Variants in BRSK2 observed in about 807,000 individuals in gnomAD.
The protein encoded by BRSK2 is serine/threonine-protein kinase BRSK2.
In BRSK2, 19 loss-of-function variants were observed where a neutral mutation model predicts 83.3. That is an observed-to-expected ratio of 0.23 (90% CI 0.16 to 0.33). BRSK2 has a LOEUF of 0.33. Ranked by LOEUF, BRSK2 falls within the 10% of genes least tolerant of loss-of-function variation. BRSK2 has a pLI of 1.00. For synonymous variants in BRSK2, 519 were observed against 435.4 expected (o/e 1.19, Z -2.39); for missense variants, 798 against 1,042.3 (o/e 0.77, Z 3.23).
chr11:1,445,654 C>T lies in BRSK2; in HGVS notation c.1061C>T (p.Pro354Leu), dbSNP rs746803578. 9 of 1,596,836 alleles carry T rather than the reference C, an allele frequency of 5.6e-6. No individual in the cohort carries two copies. Among genetic ancestry groups the T allele is most frequent in the Non-Finnish European group, 7.7e-6 (9 of 1,172,282 alleles). Residue 354 changes from proline to leucine, a missense_variant, in exon 11 of 20, where the codon CCC (proline) becomes CTC (leucine). Physicochemically the swap from Pro to Leu is moderately conservative, Grantham distance 98. Around this residue, in one of 6 missense-constraint regions of BRSK2, gnomAD observed 145 missense variants for 225.4 expected, o/e 0.64. Transcript: ENST00000528841. Reference sequence around the variant, plus strand: ...AGCCAGGAGGATGAGGACCTGCCCCCCCGGAACGAGATAGGTATGGGTCCA... The same window carrying T: ...AGCCAGGAGGATGAGGACCTGCCCCTCCGGAACGAGATAGGTATGGGTCCA... Reference protein sequence around the residue: ...YPSQEDEDLPPRNEIDPPRKR... With the variant: ...YPSQEDEDLPLRNEIDPPRKR...
intron 15 of BRSK2, 116 bp downstream of exon 15, chr11:1,451,535 C>T: frequency 9.2e-7 from 1 of 1,087,672 alleles, no homozygotes; most frequent in Admixed American, 1.8e-5. Flanking sequence ...GGCCCCACCT[C>T]CCACTGCAGG....
chr11:1,415,034 G>A (rs1162423879), intron 1 of BRSK2, among the ~76,000 whole-genome samples: 1 of 152,066 alleles, frequency 6.6e-6, no homozygotes, highest in Non-Finnish European at 1.5e-5. Flanking sequence ...GAGTACCCAC[G>A]TGGGTCCCTG....
intron 15 of BRSK2, among the ~76,000 whole-genome samples, chr11:1,453,084 C>G (rs148401967): frequency 6.6e-6 from 1 of 152,206 alleles, no homozygotes; most frequent in African/African-American, 2.4e-5. Flanking sequence ...CCAGGAAGAC[C>G]GAACCTGGCG....
At chr11:1,403,505 A>G (rs1846629607) in intron 1 of BRSK2, among the ~76,000 whole-genome samples, 1 of 152,148 alleles carries the variant, frequency 6.6e-6, no homozygotes, top group Non-Finnish European at 1.5e-5. Flanking sequence ...AGGCCACGAA[A>G]CCCGCAGGCT....
chr11:1,406,378 G>A (rs111286120), intron 1 of BRSK2, among the ~76,000 whole-genome samples: 22,924 of 152,202 alleles, frequency 0.15, 2,280 homozygotes, highest in Non-Finnish European at 0.2. Context: ...AGGCTGAGGC[G>A]GGAGAATGGC....
At chr11:1,415,015 C>T (rs968154593) in intron 1 of BRSK2, among the ~76,000 whole-genome samples, 4 of 151,824 alleles carry the variant, frequency 2.6e-5, no homozygotes, top group African/African-American at 9.7e-5. Flanking sequence ...GCGCTGTGGA[C>T]GTGTGTGTGA....
chr11:1,436,145 C>T lies in BRSK2; in HGVS notation c.186+11C>T, dbSNP rs753673051. The T allele has an allele frequency of 5.1e-5, 10 of 196,992 alleles. No individual in the cohort carries two copies. The highest frequency in any genetic ancestry group is 4.0e-3 in the Middle Eastern group (2 of 500). 12.2% of individuals were successfully genotyped at this position (196,992 alleles called of 1,614,324 possible). A position where few individuals can be genotyped will look rare whatever the true frequency, so the allele number is the denominator to read the frequency against. ...TCGGTGCTGATGAAGGTGGGTGGGG[C>T]CGGGGAGGGAGGCGGGGCCGGCGGT... On this transcript the variant is annotated intron_variant, in intron 2 of 19. Transcript: ENST00000528841.
In BRSK2 at chr11:1,445,885, G is replaced by C; in HGVS notation, c.1204G>C (p.Glu402Gln). ...CCCGGTGCCTGCGCGGCGGGCCATT[G>C]AGATGGCCCAGCACGGCCAGAGGTG... ...GSPVPARRAI[E>Q]MAQHGQRSRS... Residue 402 changes from glutamate to glutamine, a missense_variant, in exon 12 of 20, where the codon GAG (glutamate) becomes CAG (glutamine). Glu to Gln is a conservative substitution (Grantham distance 29). Coordinates refer to ENST00000528841, the MANE Select transcript of BRSK2 (RefSeq NM_001256627.2). The C allele has an allele frequency of 1.2e-6, 2 of 1,611,002 alleles. No homozygotes were observed. The highest frequency in any genetic ancestry group is 1.7e-6 in the Non-Finnish European group (2 of 1,179,020).
chr11:1,435,928 G>A (rs1276952542), intron 1 of BRSK2, 112 bp from the exon 2 acceptor site: 1 of 740,064 alleles, frequency 1.4e-6, no homozygotes, highest in East Asian at 2.9e-5. Flanking sequence ...TGGAGCGGGT[G>A]GGACCCCTGC....
intron 19 of BRSK2, 52 bp from the exon 20 acceptor site, chr11:1,460,448 T>A (rs1051912940): frequency 4.3e-6 from 5 of 1,154,816 alleles, no homozygotes; most frequent in African/African-American, 2.0e-5. Context: ...CTCCCCCTTT[T>A]TTTTCTTTTT....
intron 1 of BRSK2, among the ~76,000 whole-genome samples, chr11:1,429,018 G>GTGTACACGGGTGTGTCCTGGGTGCA (rs1849594678): frequency 6.7e-6 from 1 of 150,280 alleles, no homozygotes; most frequent in East Asian, 2.0e-4. Context: ...GCATGGGTGT[G>GTGTACACGGGTGTGTCCTGGGTGCA]TGTACACGGG....
chr11:1,450,317 G>A (rs950049081), intron 13 of BRSK2, among the ~76,000 whole-genome samples: 6 of 151,990 alleles, frequency 3.9e-5, no homozygotes, highest in South Asian at 2.1e-4. Flanking sequence ...TTGTGGGAGC[G>A]CCTCGAGGCC....
At chr11:1,396,379 G>A (rs534615294) in intron 1 of BRSK2, among the ~76,000 whole-genome samples, 23 of 152,172 alleles carry the variant, frequency 1.5e-4, no homozygotes, top group Middle Eastern at 3.2e-3. Flanking sequence ...ACCGGCTCCC[G>A]GACCTGGGCC....
Position 1,451,411 on chromosome 11 carries a change from G to A in BRSK2, c.1536G>A (p.Ser512=), listed in dbSNP as rs377509848. 3.8e-5 allele frequency: 62 copies of A among 1,612,740 alleles called. No individual in the cohort carries two copies. The highest frequency in any genetic ancestry group is 8.8e-5 in the South Asian group (8 of 91,088). The change falls in exon 15 of 20, where the codon TCG becomes TCA. Residue 512 remains serine, a synonymous_variant. Coordinates refer to ENST00000528841, the MANE Select transcript of BRSK2 (RefSeq NM_001256627.2). ...AGATGTCCAACCTGACACCAGAGTC[G>A]TCCCCAGAGTAAGTGGCCCCTGCTG... is the stretch of plus-strand genomic sequence containing the variant. ...PEEMSNLTPE[S]SPELAKKSWF...
chr11:1,459,127 C>T (rs910034212), intron 18 of BRSK2, 65 bp from the exon 19 acceptor site: 6 of 1,553,116 alleles, frequency 3.9e-6, no homozygotes, highest in Non-Finnish European at 5.3e-6. Flanking sequence ...TGTGGGCGTC[C>T]AGCCAGAAGG....
chr11:1,405,598 C>T (rs556371903), intron 1 of BRSK2, among the ~76,000 whole-genome samples: 4 of 152,204 alleles, frequency 2.6e-5, no homozygotes, highest in East Asian at 1.9e-4. Flanking sequence ...GATGGGGGAC[C>T]GACCAGCGGC....
chr11:1,419,812 C>T (rs11026362), intron 1 of BRSK2, among the ~76,000 whole-genome samples: 1 of 152,234 alleles, frequency 6.6e-6, no homozygotes, highest in African/African-American at 2.4e-5. Context: ...GCTCAGGAGG[C>T]TGAGGTGGGA....
At chr11:1,410,328 G>C (rs1197684805) in intron 1 of BRSK2, 1 of 126,098 alleles carries the variant, frequency 7.9e-6, no homozygotes, top group South Asian at 4.0e-4. Flanking sequence ...TGCAGAGTCC[G>C]TGTTTGGGGG....
chr11:1,446,719 C>T (rs954402889), intron 12 of BRSK2, among the ~76,000 whole-genome samples: 21 of 152,354 alleles, frequency 1.4e-4, no homozygotes, highest in African/African-American at 3.6e-4. Flanking sequence ...TCCTTGGAGC[C>T]GGTGCGGCCT....
Sources: gnomAD v4.1 joint callset for allele counts (sites outside exome capture counted in the v4.1 genomes callset) on GRCh38, gnomAD v4.1.1 for gene constraint, gnomAD v4.1.1 regional missense constraint, MANE v1.5 for transcripts, NCBI Gene and HGNC (gene_info 2026-07-23, HGNC 2026-07-21) for gene names.